Variants in GPC6 observed in about 807,000 individuals in gnomAD.
GPC6 encodes the protein glypican-6.
In GPC6, 14 loss-of-function variants were observed where a neutral mutation model predicts 55.2. The ratio of observed to expected loss-of-function variants is 0.25; its 90% confidence interval spans 0.17 to 0.40. The LOEUF is 0.40. Ranked by LOEUF, GPC6 falls within the 10% of genes least tolerant of loss-of-function variation. The probability of loss-of-function intolerance (pLI) is 1.00; values close to 1 mark genes in which losing one functional copy is unlikely to be tolerated. For synonymous variants in GPC6, 278 were observed against 259.6 expected (o/e 1.07, Z -0.68); for missense variants, 641 against 708.5 (o/e 0.90, Z 1.08).
intron 2 of GPC6, among the ~76,000 whole-genome samples, chr13:93,575,654 A>G (rs922480382): frequency 6.6e-6 from 1 of 152,206 alleles, no homozygotes; most frequent in Non-Finnish European, 1.5e-5. Flanking sequence ...AGTGTCTTAT[A>G]AGTAGAAGAG....
At chr13:94,332,576 G>A (rs936126597) in intron 6 of GPC6, among the ~76,000 whole-genome samples, 5 of 152,166 alleles carry the variant, frequency 3.3e-5, no homozygotes, top group Non-Finnish European at 5.9e-5. Context: ...TTGGTCTCTG[G>A]CATGGAGATA....
chr13:93,834,831 G>A (rs1887672680), intron 3 of GPC6, among the ~76,000 whole-genome samples: 1 of 152,112 alleles, frequency 6.6e-6, no homozygotes, highest in Non-Finnish European at 1.5e-5. Context: ...GGCATGGAAG[G>A]AAGAGCTCTA....
chr13:93,456,849 T>A (rs974897462), intron 1 of GPC6, among the ~76,000 whole-genome samples: 18 of 152,128 alleles, frequency 1.2e-4, no homozygotes, highest in African/African-American at 4.3e-4. Context: ...TTTATCTTCA[T>A]GATATGGTTT....
At chr13:94,314,611 A>T (rs1007489173) in intron 6 of GPC6, among the ~76,000 whole-genome samples, 1 of 152,252 alleles carries the variant, frequency 6.6e-6, no homozygotes, top group Non-Finnish European at 1.5e-5. Context: ...GAGCCTCATC[A>T]GTTGACATAG....
intron 1 of GPC6, among the ~76,000 whole-genome samples, chr13:93,445,784 T>A (rs2139294764): frequency 6.6e-6 from 1 of 152,316 alleles, no homozygotes; most frequent in Non-Finnish European, 1.5e-5. Flanking sequence ...GAATGAATGA[T>A]GGAAAAATCA....
At chr13:93,913,707 A>G (rs1877132587) in intron 3 of GPC6, among the ~76,000 whole-genome samples, 1 of 151,994 alleles carries the variant, frequency 6.6e-6, no homozygotes, top group South Asian at 2.1e-4. Context: ...TTTGGAATGT[A>G]TAAGGTAGAG....
rs56333946 is a variant in GPC6, at chr13:93,513,876, C to CTTTTTTTTT, written c.161-31377_161-31369dup. Among the ~76,000 whole-genome samples the CTTTTTTTTT allele has an allele frequency of 2.7e-5, 3 of 110,246 alleles. 1 individual carries two copies. Among genetic ancestry groups the CTTTTTTTTT allele is most frequent in the Non-Finnish European group, 1.7e-5 (1 of 57,964 alleles). 72.3% of individuals were successfully genotyped at this position (110,246 alleles called of 152,430 possible). ...GAACGAATCCTTTGCTGAATGATGG[C>CTTTTTTTTT]TTTTTTTTTTTTTTTTTTCGGTGTT... is the stretch of plus-strand genomic sequence containing the variant. On this transcript the variant is annotated intron_variant, in intron 1 of 8. Coordinates refer to ENST00000377047, the MANE Select transcript of GPC6 (RefSeq NM_005708.5).
At chr13:93,378,492 G>A (rs1397014400) in intron 1 of GPC6, among the ~76,000 whole-genome samples, 1 of 151,972 alleles carries the variant, frequency 6.6e-6, no homozygotes, top group Non-Finnish European at 1.5e-5. Context: ...TCCCTATTTT[G>A]TGTCCCTAAG....
At chr13:93,920,928 T>G (rs1252632860) in intron 3 of GPC6, among the ~76,000 whole-genome samples, 2 of 152,224 alleles carry the variant, frequency 1.3e-5, no homozygotes, top group Non-Finnish European at 2.9e-5. Context: ...TATAGCCAAC[T>G]ATAGTTAAAG....
intron 7 of GPC6, among the ~76,000 whole-genome samples, chr13:94,392,450 T>A (rs6492703): frequency 7.6e-6 from 1 of 131,054 alleles, no homozygotes; most frequent in African/African-American, 2.8e-5. Context: ...TTTTTGGAGA[T>A]GGAGTTTAGC....
At chr13:93,596,661 TAA>T (rs1243914280) in intron 2 of GPC6, among the ~76,000 whole-genome samples, 9 of 147,382 alleles carry the variant, frequency 6.1e-5, no homozygotes, top group African/African-American at 9.8e-5. Flanking sequence ...TATGCATATA[TAA>T]GTGTGTATAC....
chr13:94,385,061 G>A (rs1880341639), intron 7 of GPC6, among the ~76,000 whole-genome samples: 1 of 152,128 alleles, frequency 6.6e-6, no homozygotes, highest in African/African-American at 2.4e-5. Flanking sequence ...CCAAGATACA[G>A]AAACCCTGTC....
intron 4 of GPC6, among the ~76,000 whole-genome samples, chr13:94,149,865 ACT>A (rs1300762387): frequency 1.3e-5 from 2 of 151,848 alleles, no homozygotes; most frequent in Non-Finnish European, 2.9e-5. Flanking sequence ...CTCCTGTTTG[ACT>A]TTTTTGAGGG....
intron 6 of GPC6, among the ~76,000 whole-genome samples, chr13:94,355,147 C>A (rs1270107640): frequency 4.6e-5 from 7 of 152,070 alleles, no homozygotes; most frequent in Non-Finnish European, 8.8e-5. Context: ...CCTCAGCCCC[C>A]CAAGTAGCTG....
At chr13:93,867,145 C>T (rs1196079736) in intron 3 of GPC6, among the ~76,000 whole-genome samples, 1 of 151,520 alleles carries the variant, frequency 6.6e-6, no homozygotes, top group Non-Finnish European at 1.5e-5. Flanking sequence ...TGGAATAGTT[C>T]CAGGATATCC....
At position 93,510,290 on chromosome 13, in the gene GPC6, G is replaced by C. The variant is rs142455281; in HGVS notation, c.161-34973G>C. Among the ~76,000 whole-genome samples, 4 of 151,862 alleles carry C rather than the reference G, an allele frequency of 2.6e-5. No individual in the cohort carries two copies. The East Asian group carries it at 7.8e-4, about 29-fold the overall frequency. ...TTCTAACTATATGTTTGTATCCTTC[G>C]ACCCACTTCTCTTCATCTTCCCTCT... On this transcript the variant is annotated intron_variant, in intron 1 of 8. Transcript: ENST00000377047.
chr13:93,377,876 A>T (rs1594129462), intron 1 of GPC6, among the ~76,000 whole-genome samples: 1 of 152,220 alleles, frequency 6.6e-6, no homozygotes, highest in East Asian at 1.9e-4. Context: ...TTTGTTACAA[A>T]GGACATAAAG....
intron 6 of GPC6, among the ~76,000 whole-genome samples, chr13:94,323,540 G>A (rs1177918349): frequency 6.6e-6 from 1 of 152,082 alleles, no homozygotes; most frequent in Non-Finnish European, 1.5e-5. Context: ...GCTAAATAAC[G>A]TGTGCATATG....
intron 4 of GPC6, among the ~76,000 whole-genome samples, chr13:94,086,778 A>T (rs1885297229): frequency 6.6e-6 from 1 of 152,190 alleles, no homozygotes; most frequent in South Asian, 2.1e-4. Context: ...AAAAATCTCG[A>T]TTTTTTAATA....
Sources: allele counts gnomAD v4.1 joint callset (sites outside exome capture counted in the v4.1 genomes callset), GRCh38; gene constraint gnomAD v4.1.1; transcripts MANE v1.5; gene names NCBI Gene and HGNC (gene_info 2026-07-23, HGNC 2026-07-21).